Variants in WWOX observed in about 807,000 individuals in gnomAD.
The protein encoded by WWOX is WW domain-containing oxidoreductase.
In WWOX, 69 loss-of-function variants were observed where a neutral mutation model predicts 46.2. The ratio of observed to expected loss-of-function variants is 1.49; its 90% confidence interval spans 1.23 to 1.82. The LOEUF (loss-of-function observed/expected upper bound fraction) is 1.82. Among genes scored for constraint, WWOX ranks in the 40% most tolerant of loss-of-function variants. WWOX has a pLI of 0.00. For synonymous variants in WWOX, 359 were observed against 202.6 expected, an observed-to-expected ratio of 1.77 and a Z score of -6.56; for missense variants, 919 against 542.6, an observed-to-expected ratio of 1.69 and a Z score of -6.89.
At chr16:78,395,089 T>G (rs1049808704) in intron 6 of WWOX, among the ~76,000 whole-genome samples, 2 of 152,252 alleles carry the variant, frequency 1.3e-5, no homozygotes, top group Non-Finnish European at 2.9e-5. Context: ...CTTTCTCATC[T>G]TGATCGTAAA....
At chr16:78,716,307 G>C (rs2048559284) in intron 8 of WWOX, among the ~76,000 whole-genome samples, 1 of 152,094 alleles carries the variant, frequency 6.6e-6, no homozygotes, top group African/African-American at 2.4e-5. Context: ...CTCCCCTCCA[G>C]CCTTTGGAGG....
intron 5 of WWOX, among the ~76,000 whole-genome samples, chr16:78,311,021 A>G (rs569193600): frequency 1.1e-4 from 16 of 152,290 alleles, no homozygotes; most frequent in African/African-American, 3.1e-4. Flanking sequence ...TCAAACACCT[A>G]GTGCACTGAA....
At chr16:78,762,645 C>T (rs956459993) in intron 8 of WWOX, among the ~76,000 whole-genome samples, 19 of 152,118 alleles carry the variant, frequency 1.2e-4, no homozygotes, top group Admixed American at 2.0e-4. Context: ...GGAGACTGCC[C>T]GTTGGAGCTT....
intron 8 of WWOX, among the ~76,000 whole-genome samples, chr16:78,538,249 G>A (rs573047995): frequency 1.4e-5 from 2 of 147,344 alleles, no homozygotes; most frequent in African/African-American, 5.1e-5. Context: ...AAAAAAAAGC[G>A]GGGCAAGGGG....
intron 8 of WWOX, among the ~76,000 whole-genome samples, chr16:78,511,496 G>A (rs572075282): frequency 3.8e-4 from 58 of 152,340 alleles, no homozygotes; most frequent in South Asian, 1.7e-3. Context: ...CAGGCCTGTT[G>A]CCCCCAAGCC....
intron 5 of WWOX, among the ~76,000 whole-genome samples, chr16:78,282,272 C>T (rs943524424): frequency 1.2e-4 from 18 of 152,184 alleles, no homozygotes; most frequent in African/African-American, 4.3e-4. Flanking sequence ...CTTCTACCGT[C>T]AATCTGCTAT....
At chr16:78,473,403 T>G (rs2084277429) in intron 8 of WWOX, among the ~76,000 whole-genome samples, 1 of 148,858 alleles carries the variant, frequency 6.7e-6, no homozygotes, top group South Asian at 2.1e-4. Context: ...GTGCTAGGAT[T>G]ACAGACATGA....
chr16:79,038,635 T>C (rs992688996), intron 8 of WWOX, among the ~76,000 whole-genome samples: 2 of 152,154 alleles, frequency 1.3e-5, no homozygotes, highest in Non-Finnish European at 2.9e-5. Flanking sequence ...CTGCAATGTC[T>C]GCCTCCCAGA....
At chr16:78,685,122 C>G (rs540665246) in intron 8 of WWOX, among the ~76,000 whole-genome samples, 2 of 152,184 alleles carry the variant, frequency 1.3e-5, no homozygotes, top group Non-Finnish European at 2.9e-5. Flanking sequence ...CTTCTCTCTG[C>G]AGCGTGATGT....
At chr16:78,896,392 A>G (rs2044701065) in intron 8 of WWOX, 1 of 152,290 alleles carries the variant, frequency 6.6e-6, no homozygotes. Flanking sequence ...GGTAATAACA[A>G]AACCTGGGGC....
intron 8 of WWOX, among the ~76,000 whole-genome samples, chr16:78,823,072 G>A (rs543186856): frequency 6.6e-6 from 1 of 152,200 alleles, no homozygotes; most frequent in Non-Finnish European, 1.5e-5. Context: ...TTTGAAGTTT[G>A]AATACACTTT....
At chr16:78,519,787 C>T (rs1414302114) in intron 8 of WWOX, among the ~76,000 whole-genome samples, 1 of 152,076 alleles carries the variant, frequency 6.6e-6, no homozygotes, top group Admixed American at 6.6e-5. Context: ...CAGAGTGGAC[C>T]CTTACCCAAC....
chr16:78,618,328 A>G (rs1016972797), intron 8 of WWOX, among the ~76,000 whole-genome samples: 1 of 152,202 alleles, frequency 6.6e-6, no homozygotes, highest in Non-Finnish European at 1.5e-5. Flanking sequence ...AACAACAGGA[A>G]TGTAGTTCCT....
At chr16:78,749,773 C>G (rs1162339460) in intron 8 of WWOX, among the ~76,000 whole-genome samples, 2 of 152,272 alleles carry the variant, frequency 1.3e-5, no homozygotes, top group East Asian at 3.9e-4. Context: ...CTCGAGTTAC[C>G]TGAAATGCAA....
At chr16:79,139,054 C>A (rs539972584) in intron 8 of WWOX, among the ~76,000 whole-genome samples, 1 of 152,120 alleles carries the variant, frequency 6.6e-6, no homozygotes, top group Non-Finnish European at 1.5e-5. Flanking sequence ...GATAGATGGT[C>A]CCCCCTCAGC....
At chr16:79,041,891 A>G (rs1422709480) in intron 8 of WWOX, among the ~76,000 whole-genome samples, 3 of 151,946 alleles carry the variant, frequency 2.0e-5, no homozygotes, top group Admixed American at 6.6e-5. Context: ...GTGTTTAGAG[A>G]AACTGGAGGA....
At chr16:78,930,250 C>CCTTA (rs2045592024) in intron 8 of WWOX, among the ~76,000 whole-genome samples, 1 of 125,602 alleles carries the variant, frequency 8.0e-6, no homozygotes, top group African/African-American at 3.1e-5. Flanking sequence ...TTCCTTCCTT[C>CCTTA]CTTCCTTCCT....
intron 8 of WWOX, among the ~76,000 whole-genome samples, chr16:78,628,956 T>A (rs2046369507): frequency 6.6e-6 from 1 of 152,206 alleles, no homozygotes. Flanking sequence ...CCGTTCTATT[T>A]TATCTGCAGA....
chr16:78,319,636 GA>G (rs1158433963), intron 5 of WWOX, among the ~76,000 whole-genome samples: 3 of 152,086 alleles, frequency 2.0e-5, no homozygotes, highest in African/African-American at 7.2e-5. Context: ...TTCAAGCCGT[GA>G]ATTTCTTATT....
Sources: gnomAD v4.1 joint callset for allele counts (sites outside exome capture counted in the v4.1 genomes callset) on GRCh38, gnomAD v4.1.1 for gene constraint, MANE v1.5 for transcripts, NCBI Gene and HGNC (gene_info 2026-07-23, HGNC 2026-07-21) for gene names.